The following CDK5RAP2 variants were observed in gnomAD, a reference collection of about 807,000 sequenced individuals.
The protein encoded by CDK5RAP2 is CDK5 regulatory subunit-associated protein 2.
Under a neutral mutation model 232.9 loss-of-function variants are expected in CDK5RAP2, and 147 were observed. The ratio of observed to expected loss-of-function variants is 0.63; its 90% CI spans 0.55 to 0.72. The LOEUF is 0.72. Among genes scored for constraint, CDK5RAP2 ranks in the 30% least tolerant of loss-of-function variants. The pLI is 0.00. For missense variants in CDK5RAP2, 2,195 were observed against 2,231.5 expected (o/e 0.98, Z 0.33); for synonymous variants, 833 against 833.7 (o/e 1.00, Z 0.01).
intron 28 of CDK5RAP2, among the ~76,000 whole-genome samples, chr9:120,413,922 G>C (rs2034042895): frequency 6.6e-6 from 1 of 152,190 alleles, no homozygotes. Context: ...ACTTGGGAAA[G>C]ATGTCCCTCC....
intron 8 of CDK5RAP2, 86 bp from the exon 9 acceptor site, chr9:120,528,883 G>C (rs114385062): frequency 1.1e-6 from 1 of 929,958 alleles, no homozygotes; most frequent in Non-Finnish European, 1.8e-6. Context: ...CGTCCTTGTC[G>C]CTTACTCACC....
chr9:120,565,055 G>C (rs1272920210), intron 3 of CDK5RAP2, among the ~76,000 whole-genome samples: 3 of 152,190 alleles, frequency 2.0e-5, no homozygotes, highest in Admixed American at 6.5e-5. Flanking sequence ...TGGATTACCA[G>C]TTTAAAGACC....
intron 25 of CDK5RAP2, among the ~76,000 whole-genome samples, chr9:120,430,099 CA>C (rs2035186938): frequency 6.6e-6 from 1 of 152,106 alleles, no homozygotes; most frequent in Admixed American, 6.5e-5. Context: ...ACACCTTATA[CA>C]AAAATTAATT....
chr9:120,550,387 A>C (rs988664688), intron 4 of CDK5RAP2, among the ~76,000 whole-genome samples: 2 of 152,198 alleles, frequency 1.3e-5, no homozygotes, highest in Non-Finnish European at 2.9e-5. Context: ...CCCTATGACA[A>C]AGGGATTATC....
At chr9:120,539,291 T>G in intron 5 of CDK5RAP2, 127 bp from the exon 6 acceptor site, 5 of 1,131,008 alleles carry the variant, frequency 4.4e-6, no homozygotes, top group Non-Finnish European at 6.4e-6. Flanking sequence ...CTTCTTTTTC[T>G]TTAGCTTAAT....
chr9:120,454,312 C>G (rs992567643), intron 20 of CDK5RAP2, among the ~76,000 whole-genome samples: 1 of 152,218 alleles, frequency 6.6e-6, no homozygotes, highest in Non-Finnish European at 1.5e-5. Flanking sequence ...TCTGGCCAAC[C>G]TGGCTGGTCC....
intron 25 of CDK5RAP2, among the ~76,000 whole-genome samples, chr9:120,433,065 A>G (rs913554117): frequency 6.6e-6 from 1 of 152,202 alleles, no homozygotes; most frequent in Admixed American, 6.5e-5. Context: ...AAACCAGTCT[A>G]CAGCAGGTCT....
chr9:120,444,454 T>A (rs917694308), intron 22 of CDK5RAP2, among the ~76,000 whole-genome samples: 1 of 152,178 alleles, frequency 6.6e-6, no homozygotes, highest in Non-Finnish European at 1.5e-5. Flanking sequence ...CTGCATCTGA[T>A]TTATTTCTCT....
At chr9:120,440,698 C>A (rs778503689) in intron 23 of CDK5RAP2, among the ~76,000 whole-genome samples, 6 of 152,200 alleles carry the variant, frequency 3.9e-5, no homozygotes, top group Admixed American at 3.3e-4. Context: ...CCAGACTGCA[C>A]GTTTCTTCAC....
At chr9:120,452,136 T>G (rs2036510638) in intron 21 of CDK5RAP2, among the ~76,000 whole-genome samples, 1 of 152,022 alleles carries the variant, frequency 6.6e-6, no homozygotes, top group Non-Finnish European at 1.5e-5. Flanking sequence ...CTAGTTTTCC[T>G]GATATACAGG....
intron 11 of CDK5RAP2, among the ~76,000 whole-genome samples, chr9:120,518,848 T>A (rs2040487460): frequency 1.3e-5 from 2 of 152,098 alleles, no homozygotes; most frequent in African/African-American, 4.8e-5. Flanking sequence ...GATGGTTGTA[T>A]GAAAGAAGTA....
At chr9:120,569,700 CTG>C (rs2042778514) in intron 2 of CDK5RAP2, among the ~76,000 whole-genome samples, 1 of 152,098 alleles carries the variant, frequency 6.6e-6, no homozygotes, top group Non-Finnish European at 1.5e-5. Flanking sequence ...TCTAAGGACT[CTG>C]AGGAGCTGCT....
intron 12 of CDK5RAP2, among the ~76,000 whole-genome samples, chr9:120,505,607 C>G (rs2039775437): frequency 6.6e-6 from 1 of 152,146 alleles, no homozygotes; most frequent in Admixed American, 6.5e-5. Context: ...ACCAGTTAGC[C>G]AAACTGTGAA....
Position 120,437,355 on chromosome 9 carries a change from G to T in CDK5RAP2, c.3895C>A (p.Gln1299Lys), listed in dbSNP as rs1202669023. 1 of 1,613,958 alleles carries T rather than the reference G, an allele frequency of 6.2e-7. No individual in the cohort carries two copies. The highest frequency in any genetic ancestry group is 8.5e-7 in the Non-Finnish European group (1 of 1,180,004). ...TCAGCACATTGATTCAGCTGTTCCT[G>T]GAAACCCTCGGCCACACAGTAATCC... ...DVDYCVAEGFQEQLNQCAELL... is the reference protein window; with the variant it reads ...DVDYCVAEGFKEQLNQCAELL... The change falls in exon 25 of 38, where the codon CAG becomes AAG. Residue 1299 changes from glutamine to lysine, a missense_variant. Transcript: ENST00000349780.
chr9:120,396,687 C>T (rs926237531), intron 35 of CDK5RAP2, among the ~76,000 whole-genome samples: 6 of 152,168 alleles, frequency 3.9e-5, no homozygotes, highest in Non-Finnish European at 7.3e-5. Flanking sequence ...CAGTGTCTGG[C>T]GCAGAGTAGG....
chr9:120,444,804 T>C (rs918804194), intron 22 of CDK5RAP2, among the ~76,000 whole-genome samples: 1 of 152,234 alleles, frequency 6.6e-6, no homozygotes, highest in Non-Finnish European at 1.5e-5. Flanking sequence ...TTAGTCACAG[T>C]GTGACTGTAG....
chr9:120,429,892 G>C (rs1205897846), intron 25 of CDK5RAP2, among the ~76,000 whole-genome samples: 3 of 152,150 alleles, frequency 2.0e-5, no homozygotes, highest in African/African-American at 7.2e-5. Context: ...AAACAGCATG[G>C]TACTGGCACC....
At chr9:120,402,451 ATT>A (rs1486812936) in intron 34 of CDK5RAP2, among the ~76,000 whole-genome samples, 1 of 152,242 alleles carries the variant, frequency 6.6e-6, no homozygotes, top group Non-Finnish European at 1.5e-5. Flanking sequence ...TGAACTAGTA[ATT>A]CCACTTCATA....
chr9:120,499,878 T>G (rs540311811), intron 12 of CDK5RAP2, among the ~76,000 whole-genome samples: 56 of 152,346 alleles, frequency 3.7e-4, no homozygotes, highest in African/African-American at 1.1e-3. Flanking sequence ...AAGTTTGGTA[T>G]GGACTTTACC....
Sources: allele counts gnomAD v4.1 joint callset (sites outside exome capture counted in the v4.1 genomes callset), GRCh38; gene constraint gnomAD v4.1.1; transcripts MANE v1.5; gene names NCBI Gene and HGNC (gene_info 2026-07-23, HGNC 2026-07-21).